The following DNAAF1 variants were observed in gnomAD, a reference collection of about 807,000 sequenced individuals.
DNAAF1 encodes dynein assembly factor 1, axonemal.
Under a neutral mutation model 71.1 loss-of-function variants are expected in DNAAF1, and 65 were observed. The ratio of observed to expected loss-of-function variants is 0.91; its 90% CI spans 0.75 to 1.12. The LOEUF (loss-of-function observed/expected upper bound fraction) is 1.12. Ranked by LOEUF, DNAAF1 falls within the 50% of genes most tolerant of loss-of-function variation. DNAAF1 has a pLI of 0.00. For synonymous variants in DNAAF1, 414 were observed against 354.6 expected (o/e 1.17, Z -1.88); for missense variants, 1,178 against 899.8 (o/e 1.31, Z -3.96).
chr16:84,157,988 A>C (rs999532638), intron 5 of DNAAF1, among the ~76,000 whole-genome samples: 12 of 152,264 alleles, frequency 7.9e-5, no homozygotes, highest in African/African-American at 2.6e-4. Context: ...TGGGCAGATC[A>C]CGAGGTCGGG....
chr16:84,176,211 A>G lies in DNAAF1; in HGVS notation c.1977A>G (p.Leu659=). ...GCGACGAGGACCCCTCTGGCCAGCT[A>G]CTGATGCCCCCCACCTGCCAAAGAG... ...ELSDEDPSGQ[L]LMPPTCQRDA... Residue 659 remains leucine (L), a synonymous_variant, in exon 11 of 12, where the codon CTA becomes CTG. Coordinates refer to ENST00000378553, the MANE Select transcript of DNAAF1 (RefSeq NM_178452.6). 6.2e-7 allele frequency: 1 copy of G among 1,613,744 alleles called. No individual in the cohort carries two copies. The highest frequency in any genetic ancestry group is 8.5e-7 in the Non-Finnish European group (1 of 1,180,014).
Position 84,176,313 on chromosome 16 carries a change from GC to G in DNAAF1, c.2065+16del. On this transcript the variant is annotated intron_variant, in intron 11 of 11. Coordinates refer to ENST00000378553, the MANE Select transcript of DNAAF1 (RefSeq NM_178452.6). ...CCTCTTCTCCGGGTAAGAGCGTGGGGCCGAGAGCACAGTGGAGACAATGTTG... is the reference window on the plus strand; with the variant it reads ...CCTCTTCTCCGGGTAAGAGCGTGGGGCGAGAGCACAGTGGAGACAATGTTG... 1 of 1,613,042 alleles carries G rather than the reference GC, an allele frequency of 6.2e-7. No individual in the cohort carries two copies. The highest frequency in any genetic ancestry group is 1.3e-5 in the African/African-American group (1 of 75,048).
At chr16:84,172,118 C>T in intron 8 of DNAAF1, 142 bp from the exon 9 acceptor site, 1 of 769,594 alleles carries the variant, frequency 1.3e-6, no homozygotes. Flanking sequence ...ACCTTGTGAT[C>T]CGCCCACCTT....
intron 1 of DNAAF1, 80 bp downstream of exon 1, chr16:84,145,644 A>T: frequency 6.8e-7 from 1 of 1,475,686 alleles, no homozygotes. Context: ...CACACCACAT[A>T]CCCGATCTTC....
intron 9 of DNAAF1, chr16:84,172,921 G>A (rs2088443919): frequency 9.9e-7 from 1 of 1,006,258 alleles, no homozygotes; most frequent in Non-Finnish European, 1.2e-6. Flanking sequence ...ACTCTTCCCT[G>A]AAGCTCTTCC....
Position 84,176,051 on chromosome 16 carries a change from T to C in DNAAF1, c.1817T>C (p.Ile606Thr). 6.2e-7 allele frequency: 1 copy of C among 1,614,098 alleles called. No homozygotes were observed. Among genetic ancestry groups the C allele is most frequent in the Non-Finnish European group, 8.5e-7 (1 of 1,180,004 alleles). Reference sequence around the variant, plus strand: ...CTCCCCACAGACACTCTGTCAAATATATTTGCAGTCTCTAAAGACACCTCA... The same window carrying C: ...CTCCCCACAGACACTCTGTCAAATACATTTGCAGTCTCTAAAGACACCTCA... ...ENLPTDTLSN[I>T]FAVSKDTSKA... Residue 606 changes from isoleucine to threonine, a missense_variant, in exon 11 of 12, where the codon ATA (isoleucine) becomes ACA (threonine). Coordinates refer to ENST00000378553, the MANE Select transcript of DNAAF1 (RefSeq NM_178452.6).
chr16:84,175,200 T>G (rs1287998145), intron 10 of DNAAF1: 1 of 223,022 alleles, frequency 4.5e-6, no homozygotes, highest in African/African-American at 2.3e-5. Context: ...TGCCATTTGT[T>G]CTTGTTCAAT....
intron 5 of DNAAF1, among the ~76,000 whole-genome samples, chr16:84,157,557 C>T (rs891418139): frequency 2.0e-5 from 3 of 151,838 alleles, no homozygotes; most frequent in South Asian, 2.1e-4. Context: ...CTTGAGAACC[C>T]GTCAGGTTGC....
At chr16:84,157,995 C>A (rs147990141) in intron 5 of DNAAF1, among the ~76,000 whole-genome samples, 2 of 152,022 alleles carry the variant, frequency 1.3e-5, no homozygotes, top group Non-Finnish European at 2.9e-5. Context: ...ATCACGAGGT[C>A]GGGAGATCGA....
chr16:84,169,448 C>G (rs1445770995), intron 7 of DNAAF1, among the ~76,000 whole-genome samples: 43 of 151,044 alleles, frequency 2.8e-4, no homozygotes, highest in Admixed American at 2.5e-3. Context: ...GAGACAGAGT[C>G]TCGCTCTGTC....
intron 6 of DNAAF1, among the ~76,000 whole-genome samples, chr16:84,163,198 A>G (rs1022337258): frequency 6.6e-6 from 1 of 152,120 alleles, no homozygotes; most frequent in Non-Finnish European, 1.5e-5. Flanking sequence ...GTATGTATCT[A>G]GGAGTGAAAT....
intron 6 of DNAAF1, among the ~76,000 whole-genome samples, chr16:84,160,013 GTT>G (rs2087626719): frequency 6.6e-6 from 1 of 152,022 alleles, no homozygotes; most frequent in African/African-American, 2.4e-5. Flanking sequence ...TGTATCAGTC[GTT>G]TACCTCTTTG....
chr16:84,159,145 TAA>T, intron 5 of DNAAF1: 5 of 996,766 alleles, frequency 5.0e-6, no homozygotes, highest in Non-Finnish European at 6.0e-6. Context: ...TCCCTGGTCC[TAA>T]GTGACAGCGG....
Position 84,172,289 on chromosome 16 carries a change from G to T in DNAAF1, c.1558G>T (p.Gly520Cys), listed in dbSNP as rs2088404422. 1.2e-6 allele frequency: 2 copies of T among 1,614,024 alleles called. No homozygotes were observed. The highest frequency in any genetic ancestry group is 2.2e-5 in the South Asian group (2 of 91,070). ...GACTCCCCAGGCTGTGGCCACTGAG[G>T]GTGTATTCGTTACAGAACTTGATGG... ...EPTPQAVATEGVFVTELDGTR... is the reference protein window; with the variant it reads ...EPTPQAVATECVFVTELDGTR... The change falls in exon 9 of 12, where the codon GGT becomes TGT. Residue 520 changes from glycine (G) to cysteine (C), a missense_variant. Physicochemically the swap from Gly to Cys is radical, Grantham distance 159. Coordinates refer to ENST00000378553, the MANE Select transcript of DNAAF1 (RefSeq NM_178452.6).
chr16:84,173,246 G>C (rs937889566), intron 9 of DNAAF1: 1 of 890,964 alleles, frequency 1.1e-6, no homozygotes, highest in Non-Finnish European at 1.3e-6. Context: ...GCTGGATCAC[G>C]AGGTCAGGAG....
Position 84,169,987 on chromosome 16 carries a change from G to C in DNAAF1, c.1159G>C (p.Asp387His), listed in dbSNP as rs1411672835. Reference protein sequence around the residue: ...LFVKESFEAKDELCPEKPSGE... With the variant: ...LFVKESFEAKHELCPEKPSGE... ...TGTTAAGGAAAGCTTTGAGGCCAAG[G>C]ACGAGCTCTGCCCGGAAAAGCCAAG... Residue 387 changes from aspartate to histidine, a missense_variant, in exon 8 of 12, where the codon GAC becomes CAC. Asp to His is a moderately conservative substitution (Grantham distance 81, BLOSUM62 -1). Coordinates refer to ENST00000378553, the MANE Select transcript of DNAAF1 (RefSeq NM_178452.6). The C allele has an allele frequency of 2.5e-6, 4 of 1,613,900 alleles. No individual in the cohort carries two copies. The highest frequency in any genetic ancestry group is 3.4e-6 in the Non-Finnish European group (4 of 1,180,046).
Position 84,172,387 on chromosome 16 carries a change from A to T in DNAAF1, c.1644+12A>T, listed in dbSNP as rs1397444837. 1.2e-6 allele frequency: 2 copies of T among 1,613,570 alleles called. No individual in the cohort carries two copies. The highest frequency in any genetic ancestry group is 1.7e-6 in the Non-Finnish European group (2 of 1,179,782). On this transcript the variant is annotated intron_variant, in intron 9 of 11. Transcript: ENST00000378553. ...CATTCTGCATTGATGTACATGAAGT[A>T]TTTAATCTTGGAGATAAGTATCAGT...
At chr16:84,154,167 C>T (rs530252656) in intron 3 of DNAAF1, among the ~76,000 whole-genome samples, 1 of 152,254 alleles carries the variant, frequency 6.6e-6, no homozygotes, top group East Asian at 1.9e-4. Context: ...AACAAGAAAC[C>T]GTAGCCTGGG....
chr16:84,164,273 T>C (rs7205703), intron 6 of DNAAF1, among the ~76,000 whole-genome samples: 4,750 of 152,326 alleles, frequency 0.031, 111 homozygotes, highest in African/African-American at 0.05. Context: ...TATTATTGAC[T>C]GAAGTCCATC....
Sources: allele counts gnomAD v4.1 joint callset (sites outside exome capture counted in the v4.1 genomes callset), GRCh38; gene constraint gnomAD v4.1.1; transcripts MANE v1.5; gene names NCBI Gene and HGNC (gene_info 2026-07-23, HGNC 2026-07-21).